The following EPB41L1 variants were observed in gnomAD, a reference collection of about 807,000 sequenced individuals.
EPB41L1 encodes band 4.1-like protein 1.
A neutral mutation model predicts 97.8 loss-of-function variants in EPB41L1; 29 were observed. The observed-to-expected ratio is 0.30, with a 90% CI of 0.22 to 0.40. The LOEUF is 0.40. Ranked by LOEUF, EPB41L1 falls within the 10% of genes least tolerant of loss-of-function variation. EPB41L1 has a pLI of 1.00. For synonymous variants in EPB41L1, 383 were observed against 459.2 expected (o/e 0.83, Z 2.12); for missense variants, 812 against 1,162.3 (o/e 0.70, Z 4.38).
intron 2 of EPB41L1, among the ~76,000 whole-genome samples, chr20:36,120,898 G>A (rs1014304485): frequency 6.6e-6 from 1 of 152,032 alleles, no homozygotes; most frequent in Non-Finnish European, 1.5e-5. Flanking sequence ...GCCTTTGGGA[G>A]GTGATGAGGT....
At chr20:36,124,204 G>C (rs545933190) in intron 2 of EPB41L1, among the ~76,000 whole-genome samples, 1 of 152,134 alleles carries the variant, frequency 6.6e-6, no homozygotes, top group African/African-American at 2.4e-5. Context: ...GCAGTGAGCC[G>C]AGATCGCGCC....
intron 2 of EPB41L1, among the ~76,000 whole-genome samples, chr20:36,133,317 T>C (rs947286379): frequency 6.6e-6 from 1 of 152,220 alleles, no homozygotes; most frequent in African/African-American, 2.4e-5. Context: ...TAAGAGCTTG[T>C]GTTTAGGGAA....
intron 9 of EPB41L1, among the ~76,000 whole-genome samples, chr20:36,189,217 A>C (rs1037153283): frequency 6.6e-6 from 1 of 152,082 alleles, no homozygotes; most frequent in African/African-American, 2.4e-5. Flanking sequence ...TGTGCCTATG[A>C]GGGCCTTCTC....
intron 14 of EPB41L1, among the ~76,000 whole-genome samples, chr20:36,202,621 C>A (rs2062557298): frequency 6.6e-6 from 1 of 151,594 alleles, no homozygotes; most frequent in Middle Eastern, 3.4e-3. Flanking sequence ...TGGTGAAACC[C>A]TGTCTCTACT....
rs571016711 is a variant in EPB41L1, at chr20:36,113,215, C to T, written c.-10+735C>T. ...TGGAGGTGCTGTGATTCTGGCAGGG[C>T]GAGGGAGTAGAGAGGGAACTCAGCC... On this transcript the variant is annotated intron_variant, in intron 2 of 19. Transcript: ENST00000202028. 7.2e-5 allele frequency among the ~76,000 whole-genome samples: 11 copies of T among 152,104 alleles called. No homozygotes were observed. In the East Asian group the frequency reaches 9.7e-4, roughly 13 times the overall value.
chr20:36,206,131 A>G lies in EPB41L1; in HGVS notation c.1669-3357A>G, dbSNP rs2146714367. On this transcript the variant is annotated intron_variant, in intron 14 of 21. Transcript: ENST00000338074. The surrounding 1 kb of genome is among the most constrained non-coding windows in gnomAD (Gnocchi z 5.5). ...AGTGGGGGAGGAAGGCCCCTGGATC[A>G]GGGAAAGCCCAGGAGGGGCTGCCCT... 1 of 1,289,914 alleles carries G rather than the reference A, an allele frequency of 7.8e-7. No individual in the cohort carries two copies. The highest frequency in any genetic ancestry group is 1.5e-5 in the African/African-American group (1 of 66,022). The allele number at this position is 1,289,914 out of a possible 1,614,324, so 79.9% of individuals were successfully genotyped here.
In EPB41L1 at chr20:36,221,954, T is replaced by C; in HGVS notation, c.2520+10T>C. 1 of 1,613,840 alleles carries C rather than the reference T, an allele frequency of 6.2e-7. No individual in the cohort carries two copies. The highest frequency in any genetic ancestry group is 8.5e-7 in the Non-Finnish European group (1 of 1,179,832). ...TGTCGATCAAGACCAGGTATGGGGG[T>C]AGCAACCGTTCTTCCCAGTGCCACT... On this transcript the variant is annotated intron_variant, in intron 20 of 21. Transcript: ENST00000338074.
rs1343637453 is a variant in EPB41L1 at position 36,092,494 on chromosome 20, C to G, written c.-65+882C>G. Among the ~76,000 whole-genome samples, 2 of 151,922 alleles carry G rather than the reference C, an allele frequency of 1.3e-5. No individual in the cohort carries two copies. The highest frequency in any genetic ancestry group is 2.9e-5 in the Non-Finnish European group (2 of 67,936). ...GCGCGCGGCCCCAGCTCCGGCGGCT[C>G]CGGCGGCTCCGGCGCTCCCCTGGTG... On this transcript the variant is annotated intron_variant, in intron 1 of 19. Transcript: ENST00000202028. The surrounding 1 kb of genome is among the most constrained non-coding windows in gnomAD (Gnocchi z 7.0).
chr20:36,118,884 C>T (rs887403287), intron 2 of EPB41L1, among the ~76,000 whole-genome samples: 1 of 152,026 alleles, frequency 6.6e-6, no homozygotes, highest in East Asian at 1.9e-4. Context: ...AATAATGATC[C>T]CCATTTAACA....
chr20:36,136,733 A>C (rs1241391403), intron 2 of EPB41L1, among the ~76,000 whole-genome samples: 1 of 149,672 alleles, frequency 6.7e-6, no homozygotes, highest in Non-Finnish European at 1.5e-5. Flanking sequence ...CTACAGGTGC[A>C]TACCGTGGTA....
At chr20:36,103,485 T>C (rs1460678685) in intron 1 of EPB41L1, among the ~76,000 whole-genome samples, 1 of 152,202 alleles carries the variant, frequency 6.6e-6, no homozygotes, top group African/African-American at 2.4e-5. Context: ...ATTTCTGGGC[T>C]GTGTGACCTT....
chr20:36,190,476 C>A lies in EPB41L1; in HGVS notation c.1124+102C>A. ...GTGAGAACTCTAGGAAAGTCCTCCA[C>A]CCTTTCCCCAAGTCCCTCCCTTCCT... On this transcript the variant is annotated intron_variant, in intron 10 of 21. Coordinates refer to ENST00000338074, the MANE Select transcript of EPB41L1 (RefSeq NM_012156.2). The surrounding 1 kb of genome is among the most constrained non-coding windows in gnomAD (Gnocchi z 5.8). The A allele has an allele frequency of 2.6e-6, 4 of 1,514,882 alleles. No homozygotes were observed. The highest frequency in any genetic ancestry group is 3.6e-6 in the Non-Finnish European group (4 of 1,103,120). 93.8% of individuals were successfully genotyped at this position (1,514,882 alleles called of 1,614,324 possible).
chr20:36,117,889 T>C (rs1439555634), intron 2 of EPB41L1, among the ~76,000 whole-genome samples: 1 of 152,226 alleles, frequency 6.6e-6, no homozygotes, highest in East Asian at 1.9e-4. Flanking sequence ...ACTCACCACT[T>C]CTGTATTTGA....
chr20:36,142,109 C>CAA (rs578232990), intron 2 of EPB41L1, among the ~76,000 whole-genome samples: 15 of 58,824 alleles, frequency 2.5e-4, no homozygotes, highest in Admixed American at 5.5e-4. Flanking sequence ...AACTCCATCT[C>CAA]AAAAAAAAAA....
chr20:36,169,178 G>A (rs2060869783), intron 1 of EPB41L1, among the ~76,000 whole-genome samples: 1 of 148,746 alleles, frequency 6.7e-6, no homozygotes, highest in Non-Finnish European at 1.5e-5. Flanking sequence ...AGTGAGCTGA[G>A]ATCGCTACAC....
intron 6 of EPB41L1, 42 bp downstream of exon 6, chr20:36,182,389 G>T (rs2061507410): frequency 6.2e-7 from 1 of 1,606,106 alleles, no homozygotes; most frequent in African/African-American, 1.3e-5. Flanking sequence ...TGGCTGTGTG[G>T]GACTATGGAT....
At chr20:36,173,153 G>C (rs2061068966) in intron 1 of EPB41L1, among the ~76,000 whole-genome samples, 1 of 152,210 alleles carries the variant, frequency 6.6e-6, no homozygotes, top group African/African-American at 2.4e-5. Flanking sequence ...CGGGGACTGA[G>C]CCTGTTCTTT....
Position 36,092,823 on chromosome 20 carries a change from A to G in EPB41L1, c.-65+1211A>G, listed in dbSNP as rs908047128. 3 of 152,256 alleles carry G rather than the reference A, an allele frequency of 2.0e-5. No homozygotes were observed. The highest frequency in any genetic ancestry group is 7.3e-5 in the African/African-American group (3 of 41,312). 9.4% of individuals were successfully genotyped at this position (152,256 alleles called of 1,614,324 possible). A position where few individuals can be genotyped will look rare whatever the true frequency, so the allele number is the denominator to read the frequency against. ...GCGCCGCCGCCGCCAGGTTAGCCGCACCCGCCGTCCCCCTCCGCGTCCCGG... is the reference window on the plus strand; with the variant it reads ...GCGCCGCCGCCGCCAGGTTAGCCGCGCCCGCCGTCCCCCTCCGCGTCCCGG... On this transcript the variant is annotated intron_variant, in intron 1 of 19. Coordinates refer to the EPB41L1 transcript ENST00000202028. This position sits in a 1 kb window ranked among gnomAD's most constrained non-coding sequence, Gnocchi z 7.0.
At chr20:36,200,762 T>C (rs1330244622) in intron 14 of EPB41L1, 1 of 400,114 alleles carries the variant, frequency 2.5e-6, no homozygotes, top group African/African-American at 2.1e-5. Context: ...TTATGGACTT[T>C]GTGTGTGTGT....
Sources: allele counts gnomAD v4.1 joint callset (sites outside exome capture counted in the v4.1 genomes callset), GRCh38; gene constraint gnomAD v4.1.1; non-coding constraint Gnocchi (gnomAD v3.1); transcripts MANE v1.5; gene names NCBI Gene and HGNC (gene_info 2026-07-23, HGNC 2026-07-21).